The following PDCD4 variants were observed in gnomAD, a reference collection of about 807,000 sequenced individuals.
PDCD4 encodes the protein programmed cell death protein 4.
PDCD4 carries 56 observed loss-of-function variants against 54.0 expected under a neutral mutation model. The ratio of observed to expected loss-of-function variants is 1.04; its 90% confidence interval spans 0.84 to 1.30. The LOEUF (loss-of-function observed/expected upper bound fraction) is 1.30, where lower values mean the gene tolerates loss of function less well. Among genes scored for constraint, PDCD4 ranks in the 50% most tolerant of loss-of-function variants. The probability of loss-of-function intolerance (pLI) is 0.00; values close to 1 mark genes in which losing one functional copy is unlikely to be tolerated. For synonymous variants in PDCD4, 186 were observed against 194.8 expected (o/e 0.95, Z 0.37); for missense variants, 584 against 559.8 (o/e 1.04, Z -0.44).
intron 4 of PDCD4, among the ~76,000 whole-genome samples, chr10:110,884,287 T>C (rs898449348): frequency 1.3e-5 from 2 of 152,314 alleles, no homozygotes; most frequent in East Asian, 1.9e-4. Context: ...CAGTATTTAT[T>C]GGGTTCGGTA....
chr10:110,881,186 A>G (rs1259527486), intron 2 of PDCD4, 47 bp from the exon 3 acceptor site: 1 of 1,374,722 alleles, frequency 7.3e-7, no homozygotes. Context: ...ATAAAACAGT[A>G]GATACTTAAA....
chr10:110,891,954 T>G (rs190620967), intron 8 of PDCD4, among the ~76,000 whole-genome samples: 2 of 152,240 alleles, frequency 1.3e-5, no homozygotes, highest in Admixed American at 6.5e-5. Context: ...ACAGAAAATT[T>G]GAATGAATCC....
At chr10:110,894,545 A>T in intron 10 of PDCD4, 23 bp downstream of exon 10, 1 of 1,004,886 alleles carries the variant, frequency 1.0e-6, no homozygotes. Flanking sequence ...TTGTTTTTGA[A>T]CAACTTGTAG....
chr10:110,896,168 C>A (rs528349111), intron 11 of PDCD4, 81 bp downstream of exon 11: 1 of 1,097,548 alleles, frequency 9.1e-7, no homozygotes, highest in Non-Finnish European at 1.3e-6. Context: ...GTTAGTTTAT[C>A]GTTCCCTGAA....
chr10:110,895,802 G>A (rs1349491848), intron 10 of PDCD4, 146 bp from the exon 11 acceptor site: 5 of 574,634 alleles, frequency 8.7e-6, no homozygotes, highest in Non-Finnish European at 1.5e-5. Context: ...TCTACTTTCT[G>A]TGCTTCTCAC....
chr10:110,882,970 T>C (rs1564681628), intron 3 of PDCD4, 33 bp from the exon 4 acceptor site: 10 of 1,246,674 alleles, frequency 8.0e-6, no homozygotes, highest in Non-Finnish European at 1.2e-5. Flanking sequence ...ATGAATTTTG[T>C]GTTTTTTCTT....
At position 110,889,602 on chromosome 10, in the gene PDCD4, A is replaced by AAGT; in HGVS notation, c.848_849insGTA (p.Lys283_Gly284insTer). On this transcript the variant is annotated stop_gained and inframe_insertion, in exon 7 of 12. Coordinates refer to ENST00000280154, the MANE Select transcript of PDCD4 (RefSeq NM_014456.5). LOFTEE classifies it high-confidence loss of function. ...ATGTAATACCTATATTGATAGTTAC[A>AAGT]AAGGAACTGTAGATTGTGTGCAGGC... 1.2e-6 allele frequency: 2 copies of AAGT among 1,601,886 alleles called. No individual in the cohort carries two copies. The highest frequency in any genetic ancestry group is 1.7e-6 in the Non-Finnish European group (2 of 1,169,206).
At chr10:110,892,596 A>G (rs1041632421) in intron 8 of PDCD4, among the ~76,000 whole-genome samples, 1 of 152,218 alleles carries the variant, frequency 6.6e-6, no homozygotes, top group African/African-American at 2.4e-5. Context: ...GTCACGTGCC[A>G]CATTATGATG....
intron 8 of PDCD4, among the ~76,000 whole-genome samples, chr10:110,892,789 G>A (rs1845775689): frequency 6.6e-6 from 1 of 152,046 alleles, no homozygotes; most frequent in Admixed American, 6.6e-5. Flanking sequence ...GCCAGTGTAT[G>A]GGTAATGTCT....
chr10:110,885,324 C>T lies in PDCD4; in HGVS notation c.513C>T (p.Ile171=). ...CATTTGAGAAGACTTTAACACCAATCATACAGGAATATTTTGAGCATGGAG... is the reference window on the plus strand; with the variant it reads ...CATTTGAGAAGACTTTAACACCAATTATACAGGAATATTTTGAGCATGGAG... ...ERAFEKTLTP[I]IQEYFEHGDT... Residue 171 remains isoleucine (I), a synonymous_variant, in exon 5 of 12, where the codon ATC becomes ATT. Transcript: ENST00000280154. The T allele has an allele frequency of 6.3e-7, 1 of 1,595,136 alleles. No homozygotes were observed. Among genetic ancestry groups the T allele is most frequent in the Middle Eastern group, 1.7e-4 (1 of 6,028 alleles).
At chr10:110,872,072 C>T (rs1020713108) in intron 1 of PDCD4, 54 bp downstream of exon 1, 6 of 152,498 alleles carry the variant, frequency 3.9e-5, no homozygotes. Context: ...CCCTCTCCCC[C>T]ATCCCTCCTC....
Position 110,881,429 on chromosome 10 carries a change from TG to T in PDCD4, c.243del (p.Ser82ValfsTer8), listed in dbSNP as rs1807017451. On this transcript the variant is annotated frameshift_variant, in exon 3 of 12. Coordinates refer to ENST00000280154, the MANE Select transcript of PDCD4 (RefSeq NM_014456.5). LOFTEE classifies it high-confidence loss of function. ...SGRGDSVSDS[G>X]SDALRSGLTV... is the part of the protein sequence containing the mutation. ...GCAGAGGCGATTCGGTCAGCGACAG[TG>T]GGAGTGACGCCCTTAGAAGTGGATT... The T allele has an allele frequency of 6.2e-7, 1 of 1,614,174 alleles. No homozygotes were observed. Among genetic ancestry groups the T allele is most frequent in the Non-Finnish European group, 8.5e-7 (1 of 1,180,038 alleles).
At chr10:110,881,130 T>C (rs1260332750) in intron 2 of PDCD4, 103 bp from the exon 3 acceptor site, 1 of 769,396 alleles carries the variant, frequency 1.3e-6, no homozygotes, top group Non-Finnish European at 2.1e-6. Context: ...CCTACAAAAA[T>C]GGTAATGTCA....
intron 7 of PDCD4, 42 bp downstream of exon 7, chr10:110,889,672 G>A: frequency 9.1e-7 from 1 of 1,104,744 alleles, no homozygotes; most frequent in Non-Finnish European, 1.4e-6. Flanking sequence ...CAAAATAGGG[G>A]AAAATTCTAC....
chr10:110,897,878 A>G, intron 11 of PDCD4, 150 bp from the exon 12 acceptor site: 1 of 454,042 alleles, frequency 2.2e-6, no homozygotes, highest in Non-Finnish European at 3.8e-6. Context: ...GTCTTTTCCA[A>G]AGGAATTAGA....
intron 8 of PDCD4, among the ~76,000 whole-genome samples, chr10:110,892,072 A>G (rs1337319896): frequency 7.2e-5 from 11 of 152,358 alleles, no homozygotes; most frequent in Non-Finnish European, 1.5e-4. Context: ...TCTATACAGT[A>G]GAAATGAATG....
Position 110,898,331 on chromosome 10 carries a change from T to TA in PDCD4, c.*245dup, listed in dbSNP as rs1461752056. On this transcript the variant is annotated 3_prime_UTR_variant, in exon 12 of 12. Coordinates refer to ENST00000280154, the MANE Select transcript of PDCD4 (RefSeq NM_014456.5). ...CCTCTTCTTAAGTGGAATATTCTAA[T>TA]AAGCTACCTTTTGTAAGTGCCATGT... 10 of 319,798 alleles carry TA rather than the reference T, an allele frequency of 3.1e-5. No homozygotes were observed. The highest frequency in any genetic ancestry group is 5.6e-5 in the Non-Finnish European group (10 of 177,844). The allele number at this position is 319,798 out of a possible 1,614,324, so 19.8% of individuals were successfully genotyped here. A position where few individuals can be genotyped will look rare whatever the true frequency, so the allele number is the denominator to read the frequency against.
In PDCD4 at chr10:110,894,102, G is replaced by T. The variant is rs779147703; in HGVS notation, c.1002G>T (p.Leu334=). 6.3e-7 allele frequency: 1 copy of T among 1,593,368 alleles called. No individual in the cohort carries two copies. The highest frequency in any genetic ancestry group is 2.2e-5 in the East Asian group (1 of 44,646). ...TTTAAATCTAATAGATTGATATGCT[G>T]CTGAAAGAATATTTACTCTCTGGAG... ...VNHLVKEIDM[L]LKEYLLSGDI... is the part of the protein sequence containing the mutation. Residue 334 remains leucine (L), a synonymous_variant, in exon 9 of 12, where the codon CTG becomes CTT. Coordinates refer to ENST00000280154, the MANE Select transcript of PDCD4 (RefSeq NM_014456.5).
chr10:110,891,874 A>G (rs1415763579), intron 8 of PDCD4, among the ~76,000 whole-genome samples: 4 of 152,218 alleles, frequency 2.6e-5, no homozygotes, highest in African/African-American at 4.8e-5. Context: ...TAGGCAGGAA[A>G]GATAAAAGGC....
Sources: gnomAD v4.1 joint callset for allele counts (sites outside exome capture counted in the v4.1 genomes callset) on GRCh38, gnomAD v4.1.1 for gene constraint, MANE v1.5 for transcripts, NCBI Gene and HGNC (gene_info 2026-07-23, HGNC 2026-07-21) for gene names.